SYNE1: variants seen among roughly 807,000 people sequenced by gnomAD.
SYNE1 encodes nesprin-1.
A neutral mutation model predicts 1,111.0 loss-of-function variants in SYNE1; 616 were observed. The ratio of observed to expected loss-of-function variants is 0.55; its 90% CI spans 0.52 to 0.59. The LOEUF (loss-of-function observed/expected upper bound fraction) is 0.59, where lower values mean the gene tolerates loss of function less well. Ranked by LOEUF, SYNE1 falls within the 20% of genes least tolerant of loss-of-function variation. The pLI, the probability that SYNE1 is intolerant of heterozygous loss-of-function variation, is 0.00. For missense variants in SYNE1, 10,006 were observed against 10,417.0 expected (o/e 0.96, Z 1.72); for synonymous variants, 3,855 against 3,825.8 (o/e 1.01, Z -0.28).
At position 152,141,110 on chromosome 6, in the gene SYNE1, A is replaced by G. The variant is rs925550803; in HGVS notation, c.25246+93T>C. Reference sequence around the variant, plus strand: ...TTCTCAGGATAGAACGGTGTAGAAGAAGGCCAAGCCCCCTAAGTGGAATTT... The same window carrying G: ...TTCTCAGGATAGAACGGTGTAGAAGGAGGCCAAGCCCCCTAAGTGGAATTT... On this transcript the variant is annotated intron_variant, in intron 139 of 145. Coordinates refer to ENST00000367255, the MANE Select transcript of SYNE1 (RefSeq NM_182961.4). 10 of 1,558,416 alleles carry G rather than the reference A, an allele frequency of 6.4e-6. No homozygotes were observed. The African/African-American group carries it at 8.1e-5, about 13-fold the overall frequency.
Position 152,353,619 on chromosome 6 carries a change from G to C in SYNE1, c.11052C>G (p.Ser3684=). 1 of 1,614,210 alleles carries C rather than the reference G, an allele frequency of 6.2e-7. No individual in the cohort carries two copies. The highest frequency in any genetic ancestry group is 8.5e-7 in the Non-Finnish European group (1 of 1,180,036). The stretch of plus-strand genomic sequence containing the variant: ...CTTGGAGAAGCAGGGCCTGGTATCT[G>C]GAAGTCAGCTGGGTGGCCTGGCAAC... The part of the protein sequence containing the change: ...RMGCQATQLT[S]RYQALLLQVL... Residue 3684 remains serine, a synonymous_variant, in exon 68 of 146, where the codon TCC becomes TCG. Transcript: ENST00000367255.
At chr6:152,624,199 A>G (rs1164567885) in intron 3 of SYNE1, among the ~76,000 whole-genome samples, 1 of 152,098 alleles carries the variant, frequency 6.6e-6, no homozygotes, top group Non-Finnish European at 1.5e-5. Flanking sequence ...ATTTTTTTGT[A>G]TATACAACAC....
chr6:152,445,641 T>G (rs1408944042), intron 29 of SYNE1, among the ~76,000 whole-genome samples: 1 of 152,088 alleles, frequency 6.6e-6, no homozygotes, highest in Non-Finnish European at 1.5e-5. Flanking sequence ...AACCACAAAC[T>G]CCCAATTTCA....
Position 152,326,038 on chromosome 6 carries a change from T to C in SYNE1, c.15358A>G (p.Thr5120Ala), listed in dbSNP as rs2096059488. Residue 5120 changes from threonine to alanine, a missense_variant, in exon 80 of 146, where the codon ACA becomes GCA. Thr to Ala is a moderately conservative substitution (Grantham distance 58). This residue lies in a region of SYNE1 where 4,955 missense variants were observed against 5,017.2 expected (regional missense o/e 0.99). Transcript: ENST00000367255. The stretch of plus-strand genomic sequence containing the variant: ...GAAAACTCAGACAATTTCTTTTCTG[T>C]ATCATTCATCAATTCAATAACCTCT... ...REEVIELMND[T>A]EKKLSEFSLL... The C allele has an allele frequency of 1.9e-6, 3 of 1,614,218 alleles. No individual in the cohort carries two copies. In the East Asian group the frequency reaches 6.7e-5, roughly 36 times the overall value.
rs746823107 is a variant in SYNE1, at chr6:152,233,846, G to A, written c.20647C>T (p.Arg6883Cys). 1.2e-5 allele frequency: 19 copies of A among 1,614,078 alleles called. No homozygotes were observed. The highest frequency in any genetic ancestry group is 2.2e-5 in the East Asian group (1 of 44,886). ...DTATLRSELSRIDSQWTDLLT... is the reference protein window; with the variant it reads ...DTATLRSELSCIDSQWTDLLT... ...AGGTCAGTCCACTGGCTATCAATGC[G>A]CGACAGCTCAGAGCGCAGCGTGGCT... Residue 6883 changes from arginine (R) to cysteine (C), a missense_variant, in exon 112 of 146, where the codon CGC becomes TGC. Transcript: ENST00000367255.
chr6:152,502,506 CT>C lies in SYNE1; in HGVS notation c.888+126del, dbSNP rs939126017. 1.8e-5 allele frequency: 14 copies of C among 766,256 alleles called. No homozygotes were observed. In the African/African-American group the frequency reaches 2.2e-4, roughly 12 times the overall value. 47.5% of individuals were successfully genotyped at this position (766,256 alleles called of 1,614,324 possible). A position where few individuals can be genotyped will look rare whatever the true frequency, so the allele number is the denominator to read the frequency against. The stretch of plus-strand genomic sequence containing the variant: ...TAATCATCACCCCATTTGGTGATAG[CT>C]TTTTAAAATCAGTTGGTCTCATATT... On this transcript the variant is annotated intron_variant, in intron 10 of 145. Coordinates refer to ENST00000367255, the MANE Select transcript of SYNE1 (RefSeq NM_182961.4).
intron 101 of SYNE1, among the ~76,000 whole-genome samples, chr6:152,256,999 A>G (rs909878236): frequency 6.6e-6 from 1 of 151,982 alleles, no homozygotes; most frequent in African/African-American, 2.4e-5. Flanking sequence ...AAAATGTCTG[A>G]CAGATAGGAG....
chr6:152,620,233 A>G (rs1438370030), intron 3 of SYNE1, among the ~76,000 whole-genome samples: 1 of 152,048 alleles, frequency 6.6e-6, no homozygotes, highest in African/African-American at 2.4e-5. Context: ...CACAGGCTGC[A>G]GCTTCTTAGT....
chr6:152,144,467 G>A (rs2059092391), intron 137 of SYNE1: 1 of 135,792 alleles, frequency 7.4e-6, no homozygotes, highest in Non-Finnish European at 1.5e-5. Flanking sequence ...ACATTTCTTT[G>A]TAAAATTACT....
rs763904392 is a variant in SYNE1, at chr6:152,231,502, T to A, written c.20928A>T (p.Gln6976His). 6.2e-7 allele frequency: 1 copy of A among 1,614,174 alleles called. No individual in the cohort carries two copies. Reference protein sequence around the residue: ...TVDFVNQSVLQISSQDVESKR... With the variant: ...TVDFVNQSVLHISSQDVESKR... ...TACTTTCCACATCCTGACTGCTGATTTGTAGCACGGACTGGTTCACAAAAT... is the reference window on the plus strand; with the variant it reads ...TACTTTCCACATCCTGACTGCTGATATGTAGCACGGACTGGTTCACAAAAT... Residue 6976 changes from glutamine to histidine, a missense_variant, in exon 114 of 146, where the codon CAA (glutamine) becomes CAT (histidine). Around this residue, in one of 7 missense-constraint regions of SYNE1, gnomAD observed 2,182 missense variants for 2,287.8 expected, o/e 0.95. Coordinates refer to ENST00000367255, the MANE Select transcript of SYNE1 (RefSeq NM_182961.4).
At chr6:152,449,786 T>C in intron 27 of SYNE1, 145 bp from the exon 28 acceptor site, 1 of 729,732 alleles carries the variant, frequency 1.4e-6, no homozygotes, top group South Asian at 1.7e-5. Context: ...ACTATTCTTT[T>C]AACATGAAGC....
chr6:152,279,620 G>A (rs1474159271), intron 97 of SYNE1, among the ~76,000 whole-genome samples: 2 of 151,790 alleles, frequency 1.3e-5, no homozygotes, highest in Non-Finnish European at 2.9e-5. Flanking sequence ...GCGGGGCTGA[G>A]GTGGGAGAAT....
At chr6:152,430,858 G>A (rs1480057178) in intron 34 of SYNE1, 149 bp from the exon 35 acceptor site, 3 of 792,436 alleles carry the variant, frequency 3.8e-6, no homozygotes, top group South Asian at 3.0e-5. Context: ...AACACCATGT[G>A]TTTGGGGAGA....
chr6:152,563,328 A>ATTC (rs2099401156), intron 3 of SYNE1, among the ~76,000 whole-genome samples: 1 of 152,118 alleles, frequency 6.6e-6, no homozygotes, highest in South Asian at 2.1e-4. Flanking sequence ...TTCTTCCCTC[A>ATTC]TTCTTCATCC....
intron 115 of SYNE1, among the ~76,000 whole-genome samples, chr6:152,228,243 C>T (rs2082037814): frequency 6.6e-6 from 1 of 152,158 alleles, no homozygotes; most frequent in African/African-American, 2.4e-5. Context: ...ATTATATGGG[C>T]TACTTTCATT....
intron 110 of SYNE1, 58 bp downstream of exon 110, chr6:152,236,049 G>A (rs1481049022): frequency 1.3e-6 from 2 of 1,568,206 alleles, no homozygotes; most frequent in Admixed American, 1.7e-5. Context: ...ACCCGCACTA[G>A]CCTTATTAAT....
chr6:152,439,525 G>A (rs925236763), intron 32 of SYNE1, among the ~76,000 whole-genome samples: 4 of 151,936 alleles, frequency 2.6e-5, no homozygotes, highest in Admixed American at 2.0e-4. Context: ...CATCGTACCC[G>A]GCCAAATAAT....
intron 100 of SYNE1, 57 bp from the exon 101 acceptor site, chr6:152,262,245 G>T: frequency 6.6e-7 from 1 of 1,519,088 alleles, no homozygotes; most frequent in East Asian, 2.3e-5. Context: ...TGATAAGACA[G>T]GTAACTTATT....
chr6:152,330,671 C>G lies in SYNE1; in HGVS notation c.14014G>C (p.Ala4672Pro). The G allele has an allele frequency of 6.2e-7, 1 of 1,613,932 alleles. No homozygotes were observed. Among genetic ancestry groups the G allele is most frequent in the Non-Finnish European group, 8.5e-7 (1 of 1,180,038 alleles). The change falls in exon 78 of 146, where the codon GCT becomes CCT. Residue 4672 changes from alanine to proline, a missense_variant. Physicochemically the swap from Ala to Pro is conservative, Grantham distance 27 (BLOSUM62 -1). Transcript: ENST00000367255. ...KFYKVQEAILARKEYASLIEL... is the reference protein window; with the variant it reads ...KFYKVQEAILPRKEYASLIEL... ...ATCAAGGAAGCATATTCCTTCCGAGCAAGAATTGCTTCCTGGACTTTATAG... is the reference window on the plus strand; with the variant it reads ...ATCAAGGAAGCATATTCCTTCCGAGGAAGAATTGCTTCCTGGACTTTATAG...
Sources: gnomAD v4.1 joint callset for allele counts (sites outside exome capture counted in the v4.1 genomes callset) on GRCh38, gnomAD v4.1.1 for gene constraint, gnomAD v4.1.1 regional missense constraint, MANE v1.5 for transcripts, NCBI Gene and HGNC (gene_info 2026-07-23, HGNC 2026-07-21) for gene names.